Variants in CCDC171 observed in about 807,000 individuals in gnomAD.
CCDC171 encodes coiled-coil domain-containing protein 171.
In CCDC171, 177 loss-of-function variants were observed where a neutral mutation model predicts 168.2. The ratio of observed to expected loss-of-function variants is 1.05; its 90% CI spans 0.93 to 1.19. CCDC171 has a LOEUF of 1.19. Among genes scored for constraint, CCDC171 ranks in the 50% most tolerant of loss-of-function variants. The pLI, the probability that CCDC171 is intolerant of heterozygous loss-of-function variation, is 0.00. For synonymous variants in CCDC171, 687 were observed against 540.8 expected, an observed-to-expected ratio of 1.27 and a Z score of -3.75; for missense variants, 1,991 against 1,539.0, an observed-to-expected ratio of 1.29 and a Z score of -4.91.
intron 24 of CCDC171, among the ~76,000 whole-genome samples, chr9:15,909,195 C>T (rs908058295): frequency 2.6e-5 from 4 of 152,172 alleles, no homozygotes; most frequent in Admixed American, 2.6e-4. Flanking sequence ...CTAAGGCCTT[C>T]TACCCCGTCT....
chr9:15,838,341 G>A (rs544605520), intron 21 of CCDC171, among the ~76,000 whole-genome samples: 9 of 152,186 alleles, frequency 5.9e-5, no homozygotes, highest in Admixed American at 1.3e-4. Flanking sequence ...TTCTTCTGAA[G>A]GTTTAAATGA....
chr9:15,757,776 C>G (rs901012130), intron 18 of CCDC171, among the ~76,000 whole-genome samples: 1 of 152,194 alleles, frequency 6.6e-6, no homozygotes, highest in Non-Finnish European at 1.5e-5. Flanking sequence ...TGCGTCCCAG[C>G]TGCTCCAGCT....
the CCDC171 span, among the ~76,000 whole-genome samples, chr9:16,082,296 C>A: frequency 6.6e-6 from 1 of 152,134 alleles, no homozygotes; most frequent in African/African-American, 2.4e-5. Flanking sequence ...TTATTTCCAA[C>A]ATTTCTAATC....
intron 24 of CCDC171, among the ~76,000 whole-genome samples, chr9:15,898,711 ATAAT>A (rs1029454960): frequency 6.6e-6 from 1 of 152,106 alleles, no homozygotes; most frequent in Non-Finnish European, 1.5e-5. Flanking sequence ...TTATTTTGAA[ATAAT>A]TATAGATTCA....
At chr9:16,027,262 A>G (rs1277110031) in intron 6 of CCDC171, among the ~76,000 whole-genome samples, 2 of 152,150 alleles carry the variant, frequency 1.3e-5, no homozygotes. Context: ...TTTTATTTAA[A>G]GGTTTTCATT....
rs548542184 is a variant in CCDC171 at position 15,689,562 on chromosome 9, T to G, written c.1216-5673T>G. Among the ~76,000 whole-genome samples, 5 of 152,088 alleles carry G rather than the reference T, an allele frequency of 3.3e-5. No homozygotes were observed. The East Asian group carries it at 9.7e-4, about 30-fold the overall frequency. Reference sequence around the variant, plus strand: ...CCCGTCTCTACTAAAAATATAAAAATTTGCCAGGTGTGATGGCGCGTATCT... The same window carrying G: ...CCCGTCTCTACTAAAAATATAAAAAGTTGCCAGGTGTGATGGCGCGTATCT... On this transcript the variant is annotated intron_variant, in intron 10 of 25. Transcript: ENST00000380701.
intron 23 of CCDC171, among the ~76,000 whole-genome samples, chr9:15,859,897 G>C (rs1563886345): frequency 1.3e-5 from 2 of 151,498 alleles, no homozygotes; most frequent in African/African-American, 4.9e-5. Context: ...TGAACTCCTA[G>C]CCTCAAGCAC....
At chr9:16,014,344 G>T (rs1832955738) in intron 3 of CCDC171, among the ~76,000 whole-genome samples, 1 of 152,080 alleles carries the variant, frequency 6.6e-6, no homozygotes, top group African/African-American at 2.4e-5. Context: ...TAGTTCTTTT[G>T]CTATTTCCAC....
chr9:15,635,682 G>T (rs528039005), intron 7 of CCDC171, among the ~76,000 whole-genome samples: 1 of 152,266 alleles, frequency 6.6e-6, no homozygotes, highest in African/African-American at 2.4e-5. Flanking sequence ...CAATCAAGTT[G>T]ACACTCGGTA....
chr9:15,588,931 C>G (rs191358670), intron 4 of CCDC171, among the ~76,000 whole-genome samples: 1 of 151,790 alleles, frequency 6.6e-6, no homozygotes, highest in Non-Finnish European at 1.5e-5. Flanking sequence ...AGGATGGTCT[C>G]GATGTCCTGA....
rs372678901 is a variant in CCDC171 at position 15,627,365 on chromosome 9, G to T, written c.822+3952G>T. 1.6e-4 allele frequency among the ~76,000 whole-genome samples: 25 copies of T among 151,872 alleles called. No homozygotes were observed. In the East Asian group the frequency reaches 3.3e-3, roughly 20 times the overall value. On this transcript the variant is annotated intron_variant, in intron 7 of 25. Transcript: ENST00000380701. ...TTTTTCTTGCCTTCTGCTAGCTTTT[G>T]TATGTGTTTGCTCTTGCTTCTGTAG...
At chr9:15,656,487 G>T (rs2047947409) in intron 7 of CCDC171, among the ~76,000 whole-genome samples, 1 of 152,174 alleles carries the variant, frequency 6.6e-6, no homozygotes, top group Non-Finnish European at 1.5e-5. Flanking sequence ...CAAGTCAAAT[G>T]TCCATCAGTA....
At chr9:16,056,062 C>G (rs1833834168) in intron 1 of CCDC171, among the ~76,000 whole-genome samples, 1 of 152,110 alleles carries the variant, frequency 6.6e-6, no homozygotes, top group Non-Finnish European at 1.5e-5. Flanking sequence ...ATTGCATATT[C>G]AACAGATCAC....
intron 17 of CCDC171, 133 bp downstream of exon 17, chr9:15,744,910 T>A (rs1260169590): frequency 3.6e-6 from 3 of 828,816 alleles, no homozygotes; most frequent in Non-Finnish European, 5.5e-6. Context: ...TCTCCATATG[T>A]ACGTATATGT....
chr9:15,820,458 A>G (rs1464035973), intron 21 of CCDC171, among the ~76,000 whole-genome samples: 2 of 116,662 alleles, frequency 1.7e-5, no homozygotes, highest in African/African-American at 6.5e-5. Context: ...ACTAATGAAG[A>G]AAAGAGAGAA....
At chr9:15,920,713 T>C (rs1364369965) in intron 25 of CCDC171, among the ~76,000 whole-genome samples, 1 of 151,768 alleles carries the variant, frequency 6.6e-6, no homozygotes, top group East Asian at 1.9e-4. Flanking sequence ...GCAGTATGCA[T>C]AGTTAAAGCT....
intron 7 of CCDC171, among the ~76,000 whole-genome samples, chr9:15,637,758 T>C (rs987737155): frequency 2.0e-5 from 3 of 151,894 alleles, no homozygotes; most frequent in African/African-American, 7.3e-5. Flanking sequence ...CTGAGAATGA[T>C]GATTTCCAAT....
intron 6 of CCDC171, among the ~76,000 whole-genome samples, chr9:15,608,791 A>G (rs541516060): frequency 6.6e-6 from 1 of 151,066 alleles, no homozygotes; most frequent in East Asian, 1.9e-4. Flanking sequence ...CTATGAAAAA[A>G]AAAAAAAAGT....
At chr9:15,642,315 G>GTGTATA (rs1554726411) in intron 7 of CCDC171, among the ~76,000 whole-genome samples, 1 of 121,458 alleles carries the variant, frequency 8.2e-6, no homozygotes. Flanking sequence ...ATGTATACAC[G>GTGTATA]TATATATATA....
Sources: gnomAD v4.1 joint callset for allele counts (sites outside exome capture counted in the v4.1 genomes callset) on GRCh38, gnomAD v4.1.1 for gene constraint, MANE v1.5 for transcripts, NCBI Gene and HGNC (gene_info 2026-07-23, HGNC 2026-07-21) for gene names.